The following PLPP4 variants were observed in gnomAD, a reference collection of about 807,000 sequenced individuals.
PLPP4 encodes the protein diacylglycerol pyrophosphate like 2.
A neutral mutation model predicts 32.2 loss-of-function variants in PLPP4; 20 were observed. That is an observed-to-expected ratio of 0.62 (90% CI 0.44 to 0.90). The LOEUF is 0.90. Ranked by LOEUF, PLPP4 falls within the 40% of genes least tolerant of loss-of-function variation. The pLI, the probability that PLPP4 is intolerant of heterozygous loss-of-function variation, is 0.00. For synonymous variants in PLPP4, 127 were observed against 133.0 expected (o/e 0.95, Z 0.31); for missense variants, 257 against 353.1 (o/e 0.73, Z 2.18).
At chr10:120,572,181 G>C (rs968870021) in intron 5 of PLPP4, among the ~76,000 whole-genome samples, 2 of 152,230 alleles carry the variant, frequency 1.3e-5, no homozygotes, top group Non-Finnish European at 2.9e-5. Context: ...CCGTGTGGGA[G>C]AGAATACATT....
At chr10:120,585,188 C>T (rs1849696518) in intron 6 of PLPP4, among the ~76,000 whole-genome samples, 2 of 152,178 alleles carry the variant, frequency 1.3e-5, no homozygotes, top group Non-Finnish European at 2.9e-5. Flanking sequence ...AGACCTTGAA[C>T]TAGTAAAAGG....
intron 1 of PLPP4, among the ~76,000 whole-genome samples, chr10:120,477,300 T>G (rs554414787): frequency 6.6e-6 from 1 of 151,248 alleles, no homozygotes; most frequent in Non-Finnish European, 1.5e-5. Context: ...AATTACTGCC[T>G]GAGGCTTTTC....
chr10:120,520,172 C>G (rs1846092174), intron 4 of PLPP4, among the ~76,000 whole-genome samples: 2 of 152,146 alleles, frequency 1.3e-5, no homozygotes, highest in Admixed American at 6.5e-5. Flanking sequence ...GCAGGAGGCT[C>G]GACTTCAGGC....
rs367936482 is a variant in PLPP4, at chr10:120,542,132, C to G, written c.445+21037C>G. Among the ~76,000 whole-genome samples, 37 of 152,252 alleles carry G rather than the reference C, an allele frequency of 2.4e-4. No homozygotes were observed. The East Asian group carries it at 2.9e-3, about 12-fold the overall frequency. ...CAAGGCGCTGTTGCCTGCTAGCCTCCAGCTTGGAGGTGAGGAAGACTGCTG... is the reference window on the plus strand; with the variant it reads ...CAAGGCGCTGTTGCCTGCTAGCCTCGAGCTTGGAGGTGAGGAAGACTGCTG... On this transcript the variant is annotated intron_variant, in intron 5 of 6. Coordinates refer to ENST00000398250, the MANE Select transcript of PLPP4 (RefSeq NM_001030059.3).
At chr10:120,551,936 G>T (rs376425319) in intron 5 of PLPP4, among the ~76,000 whole-genome samples, 1 of 152,020 alleles carries the variant, frequency 6.6e-6, no homozygotes, top group Non-Finnish European at 1.5e-5. Flanking sequence ...AAGCCTATTT[G>T]TTGCTTTCCT....
chr10:120,480,467 G>A (rs554952575), intron 1 of PLPP4, among the ~76,000 whole-genome samples: 3 of 152,286 alleles, frequency 2.0e-5, no homozygotes, highest in African/African-American at 4.8e-5. Context: ...ACAGAAGACC[G>A]AGATGGAAAG....
intron 2 of PLPP4, 31 bp from the exon 3 acceptor site, chr10:120,513,880 C>T (rs1239531081): frequency 6.5e-7 from 1 of 1,533,282 alleles, no homozygotes; most frequent in East Asian, 2.2e-5. Flanking sequence ...AACTGATGTC[C>T]TCATAAGGGA....
intron 6 of PLPP4, among the ~76,000 whole-genome samples, chr10:120,589,046 AAACAACAAC>A (rs1298007544): frequency 2.0e-5 from 3 of 152,154 alleles, no homozygotes; most frequent in African/African-American, 7.2e-5. Flanking sequence ...ATTCCATCAA[AAACAACAAC>A]AACAACCCAA....
intron 5 of PLPP4, among the ~76,000 whole-genome samples, chr10:120,546,648 G>A (rs1027875141): frequency 3.9e-5 from 6 of 152,074 alleles, no homozygotes; most frequent in African/African-American, 1.4e-4. Context: ...TTCCCCCAAC[G>A]CAGTGCCCTC....
chr10:120,478,344 G>T (rs1844030393), intron 1 of PLPP4, among the ~76,000 whole-genome samples: 1 of 152,174 alleles, frequency 6.6e-6, no homozygotes, highest in Non-Finnish European at 1.5e-5. Flanking sequence ...CATCTTCCAG[G>T]AAGGGAGGTG....
intron 5 of PLPP4, among the ~76,000 whole-genome samples, chr10:120,535,763 C>A (rs1846989622): frequency 6.6e-6 from 1 of 151,976 alleles, no homozygotes; most frequent in Admixed American, 6.6e-5. Context: ...GATGCAAACC[C>A]CCCTGGGATC....
intron 5 of PLPP4, among the ~76,000 whole-genome samples, chr10:120,570,814 C>T (rs1848899968): frequency 6.6e-6 from 1 of 152,170 alleles, no homozygotes; most frequent in South Asian, 2.1e-4. Flanking sequence ...GGTGTTACCG[C>T]CTATGTCAGC....
intron 1 of PLPP4, among the ~76,000 whole-genome samples, chr10:120,469,533 AT>A (rs1848429111): frequency 1.3e-5 from 2 of 152,116 alleles, no homozygotes; most frequent in South Asian, 4.1e-4. Flanking sequence ...GGCCGCAACT[AT>A]TTGAAGTATG....
At chr10:120,465,906 C>T (rs926364266) in intron 1 of PLPP4, among the ~76,000 whole-genome samples, 5 of 152,030 alleles carry the variant, frequency 3.3e-5, no homozygotes, top group Non-Finnish European at 5.9e-5. Context: ...GCAGTTTGTT[C>T]GTTCTCGTGT....
chr10:120,529,097 T>C (rs1317345745), intron 5 of PLPP4, among the ~76,000 whole-genome samples: 4 of 152,160 alleles, frequency 2.6e-5, no homozygotes, highest in Admixed American at 2.6e-4. Context: ...ATGCATGTTC[T>C]AGGGCAGTGG....
At chr10:120,522,650 G>A (rs533698172) in intron 5 of PLPP4, among the ~76,000 whole-genome samples, 11 of 152,260 alleles carry the variant, frequency 7.2e-5, no homozygotes, top group Admixed American at 5.2e-4. Flanking sequence ...AAACAGATAC[G>A]TTTAAGTCCC....
chr10:120,540,567 A>G (rs1340033355), intron 5 of PLPP4, among the ~76,000 whole-genome samples: 1 of 152,222 alleles, frequency 6.6e-6, no homozygotes, highest in Non-Finnish European at 1.5e-5. Flanking sequence ...TCCTCCTGGC[A>G]GGTGCAACCC....
intron 3 of PLPP4, among the ~76,000 whole-genome samples, chr10:120,517,812 C>T (rs893036315): frequency 4.6e-5 from 7 of 152,208 alleles, no homozygotes; most frequent in Non-Finnish European, 8.8e-5. Context: ...TAGAACAACA[C>T]GTTTGTCTCT....
At chr10:120,526,348 T>A (rs530867006) in intron 5 of PLPP4, among the ~76,000 whole-genome samples, 31 of 152,248 alleles carry the variant, frequency 2.0e-4, no homozygotes, top group Middle Eastern at 3.4e-3. Context: ...CTTTGCTGTG[T>A]GTTGTGATTT....
Sources: allele counts gnomAD v4.1 joint callset (sites outside exome capture counted in the v4.1 genomes callset), GRCh38; gene constraint gnomAD v4.1.1; transcripts MANE v1.5; gene names NCBI Gene and HGNC (gene_info 2026-07-23, HGNC 2026-07-21).